The following PRRC2B variants were observed in gnomAD, a reference collection of about 807,000 sequenced individuals.
PRRC2B encodes the protein protein PRRC2B.
In PRRC2B, 68 loss-of-function variants were observed where a neutral mutation model predicts 242.3. The observed-to-expected ratio is 0.28, with a 90% CI of 0.23 to 0.34. The LOEUF (loss-of-function observed/expected upper bound fraction) is 0.34, where lower values mean the gene tolerates loss of function less well. PRRC2B is among the 10% of genes least tolerant of loss of function. The pLI is 1.00. For synonymous variants in PRRC2B, 1,228 were observed against 1,173.6 expected (o/e 1.05, Z -0.95); for missense variants, 2,835 against 2,954.8 (o/e 0.96, Z 0.94).
chr9:131,408,227 T>A (rs796175567), intron 1 of PRRC2B, among the ~76,000 whole-genome samples: 12 of 152,360 alleles, frequency 7.9e-5, no homozygotes, highest in African/African-American at 2.9e-4. Context: ...CTGGTTACTC[T>A]GTGCGGGGTT....
chr9:131,400,638 C>T (rs1837203959), intron 1 of PRRC2B, among the ~76,000 whole-genome samples: 1 of 152,104 alleles, frequency 6.6e-6, no homozygotes, highest in South Asian at 2.1e-4. Flanking sequence ...TTTCAGACTC[C>T]TGGACTCAAG....
chr9:131,484,892 G>T (rs1483165287), intron 24 of PRRC2B, 56 bp from the exon 25 acceptor site: 5 of 1,580,750 alleles, frequency 3.2e-6, no homozygotes, highest in African/African-American at 2.7e-5. Context: ...GATTGGCTCT[G>T]TCCACTGCCA....
At chr9:131,461,540 A>G (rs1193443440) in intron 11 of PRRC2B, among the ~76,000 whole-genome samples, 3 of 151,980 alleles carry the variant, frequency 2.0e-5, no homozygotes, top group African/African-American at 4.8e-5. Context: ...GCTCTTTGCT[A>G]TTTATTTATT....
intron 11 of PRRC2B, among the ~76,000 whole-genome samples, chr9:131,463,939 T>C (rs1943317032): frequency 6.9e-6 from 1 of 145,908 alleles, no homozygotes; most frequent in Admixed American, 6.8e-5. Context: ...TTGCTAGACA[T>C]GCTTTTTTTT....
intron 1 of PRRC2B, among the ~76,000 whole-genome samples, chr9:131,420,500 T>TCTTTCTTTCTTTC (rs1380661357): frequency 3.1e-5 from 3 of 96,346 alleles, no homozygotes; most frequent in African/African-American, 7.9e-5. Context: ...TTTCTTTTTT[T>TCTTTCTTTCTTTC]TTTTTTTTTT....
intron 16 of PRRC2B, among the ~76,000 whole-genome samples, chr9:131,477,018 C>G (rs1246709870): frequency 6.6e-6 from 1 of 152,228 alleles, no homozygotes; most frequent in Non-Finnish European, 1.5e-5. Flanking sequence ...GGGGTTGCCA[C>G]CTCAGCATGG....
At chr9:131,466,958 C>T (rs185776448) in intron 12 of PRRC2B, among the ~76,000 whole-genome samples, 17 of 152,006 alleles carry the variant, frequency 1.1e-4, no homozygotes, top group Non-Finnish European at 2.5e-4. Context: ...CCCGCCACCA[C>T]GCCTGGCTGA....
intron 1 of PRRC2B, among the ~76,000 whole-genome samples, chr9:131,374,020 C>T (rs1836651144): frequency 6.8e-6 from 1 of 146,382 alleles, no homozygotes; most frequent in Non-Finnish European, 1.5e-5. Flanking sequence ...GATTGCGCCA[C>T]TGCACTCCAG....
rs752533128 is a variant in PRRC2B, at chr9:131,479,344, C to T, written c.4851C>T (p.Thr1617=). 30 of 1,613,798 alleles carry T rather than the reference C, an allele frequency of 1.9e-5. No homozygotes were observed. Among genetic ancestry groups the T allele is most frequent in the South Asian group, 4.4e-5 (4 of 91,042 alleles). The change falls in exon 19 of 32, where the codon ACC becomes ACT. Residue 1617 remains threonine (T), a synonymous_variant. Transcript: ENST00000683519. ...TATGTCTGGAGCAAGGTGACGTGAC[C>T]GTGCCTGGCAGCAGCCTGGGCACTG... The part of the protein sequence containing the change: ...NNLCLEQGDV[T]VPGSSLGTEI...
In PRRC2B at chr9:131,491,582, TA is replaced by T; in HGVS notation, c.6381+4del. The T allele has an allele frequency of 6.2e-7, 1 of 1,606,454 alleles. No homozygotes were observed. Among genetic ancestry groups the T allele is most frequent in the Non-Finnish European group, 8.5e-7 (1 of 1,176,992 alleles). Reference sequence around the variant, plus strand: ...CCAGTCCTGAACACCAGCAGAGAGGTAAGGGGACCCCATCTGCCTCTGACCC... The same window carrying T: ...CCAGTCCTGAACACCAGCAGAGAGGTAGGGGACCCCATCTGCCTCTGACCC... On this transcript the variant is annotated splice_donor_region_variant and intron_variant, in intron 29 of 31. Coordinates refer to ENST00000683519, the MANE Select transcript of PRRC2B (RefSeq NM_013318.4).
chr9:131,474,629 C>A lies in PRRC2B; in HGVS notation c.2500C>A (p.Gln834Lys), dbSNP rs1265172211. The A allele has an allele frequency of 6.2e-7, 1 of 1,613,850 alleles. No homozygotes were observed. Among genetic ancestry groups the A allele is most frequent in the East Asian group, 2.2e-5 (1 of 44,888 alleles). Residue 834 changes from glutamine to lysine, a missense_variant, in exon 16 of 32, where the codon CAA (glutamine) becomes AAA (lysine). Around this residue, in one of 7 missense-constraint regions of PRRC2B, gnomAD observed 1,536 missense variants for 1,483.1 expected, o/e 1.04. Transcript: ENST00000683519. ...RIGQELLFPPQENVQDAGAPG... is the reference protein window; with the variant it reads ...RIGQELLFPPKENVQDAGAPG... ...AGGCCAGGAGCTTTTGTTTCCACCC[C>A]AAGAAAATGTTCAGGATGCAGGTGC...
chr9:131,475,382 G>T lies in PRRC2B; in HGVS notation c.3253G>T (p.Gly1085Trp), dbSNP rs370013366. ...TCGTGGTCGGCCTGCTGGCGGAAAT[G>T]GGAGCGGCCTCTGTGGTGGGGGGGT... is the stretch of plus-strand genomic sequence containing the variant. Reference protein sequence around the residue: ...TFRGRPAGGNGSGLCGGGVLG... With the variant: ...TFRGRPAGGNWSGLCGGGVLG... Residue 1085 changes from glycine to tryptophan, a missense_variant, in exon 16 of 32, where the codon GGG (glycine) becomes TGG (tryptophan). Transcript: ENST00000683519. 1.9e-6 allele frequency: 3 copies of T among 1,586,574 alleles called. No individual in the cohort carries two copies. Among genetic ancestry groups the T allele is most frequent in the African/African-American group, 2.7e-5 (2 of 73,962 alleles).
In PRRC2B at chr9:131,494,274, CGGA is replaced by C; in HGVS notation, c.6474-130_6474-128del. 1 of 605,806 alleles carries C rather than the reference CGGA, an allele frequency of 1.7e-6. No homozygotes were observed. 37.5% of individuals were successfully genotyped at this position (605,806 alleles called of 1,614,324 possible). ...GGTTGTTTTCCATCCAAGAGATCCA[CGGA>C]CCGTCCCGAGTGAGCGCCTCTGGCC... is the stretch of plus-strand genomic sequence containing the variant. On this transcript the variant is annotated intron_variant, in intron 30 of 31. Transcript: ENST00000683519. The surrounding 1 kb of genome is among the most constrained non-coding windows in gnomAD (Gnocchi z 4.3).
chr9:131,486,028 T>G, intron 25 of PRRC2B, 57 bp from the exon 26 acceptor site: 1 of 1,173,888 alleles, frequency 8.5e-7, no homozygotes, highest in Non-Finnish European at 1.3e-6. Context: ...CTCAGGGACA[T>G]TGAGAAGTAG....
intron 12 of PRRC2B, 35 bp downstream of exon 12, chr9:131,465,113 C>A (rs72772617): frequency 6.4e-7 from 1 of 1,568,308 alleles, no homozygotes; most frequent in African/African-American, 1.4e-5. Flanking sequence ...CAACTGGAAA[C>A]CCTGGCCTGT....
chr9:131,433,018 G>A (rs934773741), intron 3 of PRRC2B, among the ~76,000 whole-genome samples: 5 of 152,190 alleles, frequency 3.3e-5, no homozygotes, highest in South Asian at 2.1e-4. Flanking sequence ...TTTTAGAGCC[G>A]ATGGAGCAGC....
At chr9:131,479,706 T>C (rs1943803234) in intron 19 of PRRC2B, among the ~76,000 whole-genome samples, 1 of 152,216 alleles carries the variant, frequency 6.6e-6, no homozygotes, top group Non-Finnish European at 1.5e-5. Context: ...GCCTTCTTTG[T>C]TGGTCGTCGT....
In PRRC2B at chr9:131,487,808, C is replaced by CA. The variant is rs1183113789; in HGVS notation, c.5985-47dup. 3 of 1,575,634 alleles carry CA rather than the reference C, an allele frequency of 1.9e-6. No homozygotes were observed. In the East Asian group the frequency reaches 6.8e-5, roughly 36 times the overall value. ...TCTCTGAAGGGTGGGACCAGATCCG[C>CA]AGCTGGACTCATCCACCTGATCCCG... On this transcript the variant is annotated intron_variant, in intron 27 of 31. Coordinates refer to ENST00000683519, the MANE Select transcript of PRRC2B (RefSeq NM_013318.4). This position sits in a 1 kb window ranked among gnomAD's most constrained non-coding sequence, Gnocchi z 5.3.
intron 25 of PRRC2B, 63 bp downstream of exon 25, chr9:131,485,203 T>A: frequency 7.4e-7 from 1 of 1,345,204 alleles, no homozygotes; most frequent in Non-Finnish European, 1.0e-6. Context: ...AAAAACGGAT[T>A]AACAGCCCCG....
Sources: allele counts gnomAD v4.1 joint callset (sites outside exome capture counted in the v4.1 genomes callset), GRCh38; gene constraint gnomAD v4.1.1; regional missense constraint gnomAD v4.1.1; non-coding constraint Gnocchi (gnomAD v3.1); transcripts MANE v1.5; gene names NCBI Gene and HGNC (gene_info 2026-07-23, HGNC 2026-07-21).